C8orf34: variants seen among roughly 807,000 people sequenced by gnomAD.
C8orf34 encodes the protein uncharacterized protein C8orf34.
In C8orf34, 65 loss-of-function variants were observed where a neutral mutation model predicts 68.3. The observed-to-expected ratio is 0.95, with a 90% CI of 0.78 to 1.17. The LOEUF (loss-of-function observed/expected upper bound fraction) is 1.17. Ranked by LOEUF, C8orf34 falls within the 50% of genes most tolerant of loss-of-function variation. The probability of loss-of-function intolerance (pLI) is 0.00; values close to 1 mark genes in which losing one functional copy is unlikely to be tolerated. For missense variants in C8orf34, 664 were observed against 655.4 expected, an observed-to-expected ratio of 1.01 and a Z score of -0.14; for synonymous variants, 244 against 241.2, an observed-to-expected ratio of 1.01 and a Z score of -0.11.
At chr8:68,604,932 G>T (rs182956858) in intron 7 of C8orf34, among the ~76,000 whole-genome samples, 1 of 151,852 alleles carries the variant, frequency 6.6e-6, no homozygotes. Flanking sequence ...GCACTGACTG[G>T]GTAAAAATAT....
chr8:68,408,615 G>T (rs2129621900), intron 1 of C8orf34, among the ~76,000 whole-genome samples: 1 of 152,178 alleles, frequency 6.6e-6, no homozygotes, highest in South Asian at 2.1e-4. Context: ...AAATTGTCAT[G>T]CACCACATAG....
At chr8:68,766,064 C>G (rs1332460379) in intron 10 of C8orf34, among the ~76,000 whole-genome samples, 1 of 152,134 alleles carries the variant, frequency 6.6e-6, no homozygotes, top group Non-Finnish European at 1.5e-5. Context: ...CACGTAATTA[C>G]TTGTGTCCAT....
At chr8:68,533,335 G>A in intron 7 of C8orf34, 186 bp downstream of exon 7, 1 of 1,345,698 alleles carries the variant, frequency 7.4e-7, no homozygotes. Flanking sequence ...AATACCCTAA[G>A]CATATGAATA....
intron 1 of C8orf34, among the ~76,000 whole-genome samples, chr8:68,362,619 C>A (rs905308943): frequency 6.6e-6 from 1 of 152,168 alleles, no homozygotes; most frequent in Non-Finnish European, 1.5e-5. Context: ...GGGAGGCACC[C>A]CCCAGCAGGG....
At chr8:68,545,155 T>G (rs563172181) in intron 7 of C8orf34, among the ~76,000 whole-genome samples, 52 of 152,202 alleles carry the variant, frequency 3.4e-4, no homozygotes, top group African/African-American at 1.3e-3. Flanking sequence ...AGGGACCCAG[T>G]GGGAGATAAT....
At chr8:68,426,894 C>CAAACA (rs1204632000) in intron 1 of C8orf34, among the ~76,000 whole-genome samples, 13 of 151,702 alleles carry the variant, frequency 8.6e-5, no homozygotes, top group African/African-American at 2.9e-4. Flanking sequence ...CAAACCAAAC[C>CAAACA]AAACCAAACA....
intron 11 of C8orf34, among the ~76,000 whole-genome samples, chr8:68,782,905 G>GA (rs984931179): frequency 1.6e-4 from 23 of 145,364 alleles, no homozygotes; most frequent in Non-Finnish European, 1.5e-4. Context: ...ATGAGTTAAA[G>GA]AAAAAAAAAA....
intron 3 of C8orf34, among the ~76,000 whole-genome samples, chr8:68,461,746 G>T (rs1194644739): frequency 6.6e-6 from 1 of 152,174 alleles, no homozygotes; most frequent in Non-Finnish European, 1.5e-5. Flanking sequence ...AATGCTGAAA[G>T]ATTTTGTCAC....
chr8:68,726,894 C>A (rs990849701), intron 10 of C8orf34, among the ~76,000 whole-genome samples: 9 of 152,128 alleles, frequency 5.9e-5, no homozygotes, highest in Non-Finnish European at 1.2e-4. Flanking sequence ...CTGGGATTTA[C>A]AATTCAAGTT....
chr8:68,717,492 CAAAA>C (rs10555331), intron 9 of C8orf34, among the ~76,000 whole-genome samples: 2 of 114,960 alleles, frequency 1.7e-5, no homozygotes. Flanking sequence ...GACTCTGTCT[CAAAA>C]AAAAAAAAAA....
intron 1 of C8orf34, among the ~76,000 whole-genome samples, chr8:68,386,531 G>T (rs913315002): frequency 6.6e-6 from 1 of 152,148 alleles, no homozygotes; most frequent in African/African-American, 2.4e-5. Context: ...CCATCCTAAT[G>T]ATATTAACTG....
intron 6 of C8orf34, among the ~76,000 whole-genome samples, chr8:68,526,536 A>C (rs554298460): frequency 6.6e-6 from 1 of 152,272 alleles, no homozygotes; most frequent in East Asian, 1.9e-4. Flanking sequence ...TGTCTGCTAA[A>C]CTGATTCTAA....
intron 1 of C8orf34, among the ~76,000 whole-genome samples, chr8:68,332,555 G>C (rs781723868): frequency 6.6e-5 from 10 of 152,066 alleles, no homozygotes; most frequent in Non-Finnish European, 1.3e-4. Flanking sequence ...AGACTGAAGA[G>C]AAGCAAGTGA....
At chr8:68,646,839 A>G (rs759234525) in intron 8 of C8orf34, among the ~76,000 whole-genome samples, 4 of 152,172 alleles carry the variant, frequency 2.6e-5, no homozygotes, top group Admixed American at 1.3e-4. Context: ...GTATATATAT[A>G]CCACATTTTG....
At chr8:68,749,229 G>A (rs1435943248) in intron 10 of C8orf34, among the ~76,000 whole-genome samples, 1 of 151,646 alleles carries the variant, frequency 6.6e-6, no homozygotes, top group Non-Finnish European at 1.5e-5. Context: ...ACACTCTGGG[G>A]ACTGTTGTGG....
intron 1 of C8orf34, among the ~76,000 whole-genome samples, chr8:68,340,064 C>T (rs1806007825): frequency 6.6e-6 from 1 of 152,064 alleles, no homozygotes; most frequent in South Asian, 2.1e-4. Flanking sequence ...GCTAAACCCA[C>T]TACCCATTTA....
At chr8:68,658,252 G>T (rs1463598693) in intron 8 of C8orf34, among the ~76,000 whole-genome samples, 1 of 152,100 alleles carries the variant, frequency 6.6e-6, no homozygotes, top group Non-Finnish European at 1.5e-5. Context: ...TCCATGGGTA[G>T]TAAACTTTTA....
chr8:68,357,233 A>T (rs1456252004), intron 1 of C8orf34, among the ~76,000 whole-genome samples: 1 of 152,086 alleles, frequency 6.6e-6, no homozygotes, highest in African/African-American at 2.4e-5. Flanking sequence ...ATTTATTGAG[A>T]CATTCTCTAG....
At chr8:68,338,103 A>C (rs2129617898) in intron 1 of C8orf34, among the ~76,000 whole-genome samples, 2 of 152,282 alleles carry the variant, frequency 1.3e-5, no homozygotes, top group Middle Eastern at 3.4e-3. Flanking sequence ...GAGGCTGGGA[A>C]GTCCAAGATC....
Sources: gnomAD v4.1 joint callset for allele counts (sites outside exome capture counted in the v4.1 genomes callset) on GRCh38, gnomAD v4.1.1 for gene constraint, MANE v1.5 for transcripts, NCBI Gene and HGNC (gene_info 2026-07-23, HGNC 2026-07-21) for gene names.